Variants in PLXNC1 observed in about 807,000 individuals in gnomAD.
PLXNC1 encodes plexin C1.
A neutral mutation model predicts 178.2 loss-of-function variants in PLXNC1; 75 were observed. The observed-to-expected ratio is 0.42, with a 90% CI of 0.35 to 0.51. The LOEUF (loss-of-function observed/expected upper bound fraction) is 0.51. PLXNC1 is among the 20% of genes least tolerant of loss of function. The pLI, the probability that PLXNC1 is intolerant of heterozygous loss-of-function variation, is 0.02. For synonymous variants in PLXNC1, 790 were observed against 779.9 expected, an observed-to-expected ratio of 1.01 and a Z score of -0.22; for missense variants, 1,503 against 1,984.4, an observed-to-expected ratio of 0.76 and a Z score of 4.61.
At chr12:94,169,089 A>G in intron 1 of PLXNC1, 64 bp from the exon 2 acceptor site, 3 of 1,415,430 alleles carry the variant, frequency 2.1e-6, no homozygotes, top group Non-Finnish European at 9.8e-7. Flanking sequence ...TTTCATCAGT[A>G]TAATGAGAAC....
chr12:94,282,709 T>C (rs565613237), intron 23 of PLXNC1: 54 of 221,758 alleles, frequency 2.4e-4, no homozygotes, highest in African/African-American at 1.1e-3. Context: ...AGTTATCCTT[T>C]AGCCTTCACT....
intron 22 of PLXNC1, 23 bp from the exon 23 acceptor site, chr12:94,282,275 A>G (rs1966495394): frequency 1.3e-6 from 2 of 1,549,518 alleles, no homozygotes; most frequent in African/African-American, 1.4e-5. Flanking sequence ...CTCTCTAAAA[A>G]GGAACAAAAT....
intron 9 of PLXNC1, among the ~76,000 whole-genome samples, chr12:94,228,459 T>G (rs1246642932): frequency 6.6e-6 from 1 of 152,230 alleles, no homozygotes; most frequent in Non-Finnish European, 1.5e-5. Flanking sequence ...TGCTTTTAAG[T>G]GTACAGTTAG....
intron 21 of PLXNC1, among the ~76,000 whole-genome samples, chr12:94,277,574 T>C (rs1327644839): frequency 6.6e-6 from 1 of 152,086 alleles, no homozygotes; most frequent in African/African-American, 2.4e-5. Flanking sequence ...AGGGATGGGT[T>C]CAGAGGTCAC....
intron 14 of PLXNC1, among the ~76,000 whole-genome samples, chr12:94,249,930 T>TGGGGGGGG (rs1240627694): frequency 1.8e-3 from 25 of 13,620 alleles, no homozygotes; most frequent in Admixed American, 5.4e-3. Flanking sequence ...AGCACCAGTG[T>TGGGGGGGG]GGGGGGGTGG....
chr12:94,258,283 GT>G (rs974976089), intron 17 of PLXNC1, among the ~76,000 whole-genome samples: 2 of 152,106 alleles, frequency 1.3e-5, no homozygotes, highest in African/African-American at 2.4e-5. Flanking sequence ...GGGTCTGGGG[GT>G]TTTTTTGGTT....
chr12:94,192,749 A>G (rs1962772882), intron 4 of PLXNC1, among the ~76,000 whole-genome samples: 1 of 152,166 alleles, frequency 6.6e-6, no homozygotes, highest in African/African-American at 2.4e-5. Context: ...AGCAAGCTGC[A>G]TGGCCAAGCC....
chr12:94,187,192 G>GAGAGAGAA (rs5800150), intron 4 of PLXNC1, among the ~76,000 whole-genome samples: 5 of 148,586 alleles, frequency 3.4e-5, no homozygotes, highest in African/African-American at 1.2e-4. Flanking sequence ...GAGAGAGAGA[G>GAGAGAGAA]AAAAAAAAAC....
At chr12:94,185,084 TAGAG>T (rs1323393194) in intron 3 of PLXNC1, among the ~76,000 whole-genome samples, 2 of 152,328 alleles carry the variant, frequency 1.3e-5, no homozygotes, top group East Asian at 3.9e-4. Flanking sequence ...GAAACAAGGT[TAGAG>T]AGATTGCATG....
chr12:94,194,043 G>T (rs1001237273), intron 4 of PLXNC1, among the ~76,000 whole-genome samples: 4 of 152,150 alleles, frequency 2.6e-5, no homozygotes, highest in Non-Finnish European at 5.9e-5. Flanking sequence ...ACTGGCATCT[G>T]CTCAGCTTCT....
At chr12:94,153,331 C>T (rs1483518030) in intron 1 of PLXNC1, among the ~76,000 whole-genome samples, 1 of 152,244 alleles carries the variant, frequency 6.6e-6, no homozygotes, top group Non-Finnish European at 1.5e-5. Flanking sequence ...GGGGTTGAGG[C>T]TAGAGGGTAA....
chr12:94,182,365 C>A (rs1397912615), intron 3 of PLXNC1, among the ~76,000 whole-genome samples: 1 of 140,968 alleles, frequency 7.1e-6, no homozygotes, highest in African/African-American at 2.7e-5. Context: ...CTGCAGTGAG[C>A]CATGATCAAA....
chr12:94,277,172 A>G (rs2136124376), intron 21 of PLXNC1: 1 of 152,252 alleles, frequency 6.6e-6, no homozygotes, highest in Admixed American at 6.5e-5. Flanking sequence ...CCCCTTTCTC[A>G]TGATGGCGCC....
chr12:94,300,050 G>A (rs1276089954), intron 27 of PLXNC1, among the ~76,000 whole-genome samples: 1 of 152,200 alleles, frequency 6.6e-6, no homozygotes, highest in African/African-American at 2.4e-5. Flanking sequence ...ATAATGGAAG[G>A]ACTTTGAACC....
chr12:94,226,383 G>A, intron 7 of PLXNC1: 1 of 479,324 alleles, frequency 2.1e-6, no homozygotes, highest in Admixed American at 3.4e-5. Context: ...AGGTGACCCA[G>A]CTTCAGGTTT....
rs535504239 is a variant in PLXNC1 at position 94,165,222 on chromosome 12, T to C, written c.1063-3931T>C. 2.0e-5 allele frequency among the ~76,000 whole-genome samples: 3 copies of C among 152,368 alleles called. No individual in the cohort carries two copies. The South Asian group carries it at 6.2e-4, about 32-fold the overall frequency. ...GGGGGCTGACTGCACTGTTTCCCCC[T>C]TCTTCTGCCTGGCTCCCTGGGTATT... On this transcript the variant is annotated intron_variant, in intron 1 of 30. Coordinates refer to ENST00000258526, the MANE Select transcript of PLXNC1 (RefSeq NM_005761.3).
intron 21 of PLXNC1, among the ~76,000 whole-genome samples, chr12:94,274,950 C>T (rs1168529263): frequency 1.3e-5 from 2 of 152,208 alleles, no homozygotes; most frequent in African/African-American, 4.8e-5. Flanking sequence ...TAAAGCACTC[C>T]TTAATTTGCT....
rs143981624 is a variant in PLXNC1, at chr12:94,167,347, T to G, written c.1063-1806T>G. Among the ~76,000 whole-genome samples, 36 of 152,330 alleles carry G rather than the reference T, an allele frequency of 2.4e-4. No individual in the cohort carries two copies. In the East Asian group the frequency reaches 6.4e-3, roughly 27 times the overall value. On this transcript the variant is annotated intron_variant, in intron 1 of 30. Coordinates refer to ENST00000258526, the MANE Select transcript of PLXNC1 (RefSeq NM_005761.3). ...ATCTACAGTCCACATCCATTACTTT[T>G]TCTGTGTTGTGAGATGAAGGGAATG...
At position 94,259,258 on chromosome 12, in the gene PLXNC1, G is replaced by C. The variant is rs960697978; in HGVS notation, c.3088-79G>C. On this transcript the variant is annotated intron_variant, in intron 17 of 30. Transcript: ENST00000258526. ...ATAGTGTCTCTACTTTATTAAAACG[G>C]ACTTGGGTATTATAACAAAAATACA... 3.8e-6 allele frequency: 4 copies of C among 1,059,042 alleles called. No homozygotes were observed. The African/African-American group carries it at 4.8e-5, about 13-fold the overall frequency. The allele number at this position is 1,059,042 out of a possible 1,614,324, so 65.6% of individuals were successfully genotyped here.
Sources: allele counts gnomAD v4.1 joint callset (sites outside exome capture counted in the v4.1 genomes callset), GRCh38; gene constraint gnomAD v4.1.1; transcripts MANE v1.5; gene names NCBI Gene and HGNC (gene_info 2026-07-23, HGNC 2026-07-21).